The following SPHKAP variants were observed in gnomAD, a reference collection of about 807,000 sequenced individuals.
SPHKAP encodes the protein A-kinase anchor protein SPHKAP.
Under a neutral mutation model 137.5 loss-of-function variants are expected in SPHKAP, and 67 were observed. The observed-to-expected ratio is 0.49, with a 90% CI of 0.40 to 0.60. The LOEUF (loss-of-function observed/expected upper bound fraction) is 0.60, where lower values mean the gene tolerates loss of function less well. Among genes scored for constraint, SPHKAP ranks in the 20% least tolerant of loss-of-function variants. The probability of loss-of-function intolerance (pLI) is 0.00; values close to 1 mark genes in which losing one functional copy is unlikely to be tolerated. For synonymous variants in SPHKAP, 813 were observed against 785.3 expected, an observed-to-expected ratio of 1.04 and a Z score of -0.59; for missense variants, 2,097 against 2,069.3, an observed-to-expected ratio of 1.01 and a Z score of -0.26.
intron 3 of SPHKAP, among the ~76,000 whole-genome samples, chr2:228,056,257 A>G (rs572183928): frequency 6.6e-6 from 1 of 152,344 alleles, no homozygotes; most frequent in African/African-American, 2.4e-5. Flanking sequence ...GTCTGTCGCT[A>G]TGTGCCCAGC....
intron 1 of SPHKAP, among the ~76,000 whole-genome samples, chr2:228,154,502 C>CTA (rs1559203861): frequency 4.0e-4 from 11 of 27,400 alleles, no homozygotes; most frequent in African/African-American, 1.0e-3. Flanking sequence ...CTCTCTCTCT[C>CTA]TCTCTCTCTC....
chr2:228,164,752 A>G (rs1700372775), intron 1 of SPHKAP, among the ~76,000 whole-genome samples: 1 of 152,058 alleles, frequency 6.6e-6, no homozygotes, highest in African/African-American at 2.4e-5. Flanking sequence ...AGAGCTCTTT[A>G]AACGCTCAAT....
At chr2:228,070,002 C>A (rs184710120) in intron 3 of SPHKAP, among the ~76,000 whole-genome samples, 1 of 152,118 alleles carries the variant, frequency 6.6e-6, no homozygotes, top group Non-Finnish European at 1.5e-5. Flanking sequence ...GATGCCTATG[C>A]GCTAGCTGGA....
chr2:227,998,686 A>G (rs1693729076), intron 7 of SPHKAP, among the ~76,000 whole-genome samples: 1 of 152,086 alleles, frequency 6.6e-6, no homozygotes, highest in Non-Finnish European at 1.5e-5. Context: ...TAACATAGAG[A>G]TACAAAATCC....
In SPHKAP at chr2:228,017,616, C is replaced by T. The variant is rs1345319152; in HGVS notation, c.3238G>A (p.Ala1080Thr). The change falls in exon 7 of 12, where the codon GCC becomes ACC. Residue 1080 changes from alanine to threonine, a missense_variant. By Grantham distance (58) the Ala-to-Thr change is moderately conservative. Transcript: ENST00000392056. ...LSGDRWSRLK[A>T]SSCESIPEED... ...TCAGGAATGCTTTCGCAGCTGGAGG[C>T]CTTCAGCCGGCTCCACCTGTCGCCA... The T allele has an allele frequency of 1.9e-6, 3 of 1,613,936 alleles. No homozygotes were observed. The highest frequency in any genetic ancestry group is 1.3e-5 in the African/African-American group (1 of 75,038).
chr2:228,173,589 C>G lies in SPHKAP; in HGVS notation c.32+7978G>C, dbSNP rs115108711. Among the ~76,000 whole-genome samples, 1,030 of 152,142 alleles carry G rather than the reference C, an allele frequency of 6.8e-3. 16 individuals carry two copies. The highest frequency in any genetic ancestry group is 0.023 in the African/African-American group (961 of 41,488). ...AGCTTTGTAGATGGAGAAAGGTGGT[C>G]ATGAGGCAAGCAATGTAAGCAGCCT... On this transcript the variant is annotated intron_variant, in intron 1 of 11. Transcript: ENST00000392056.
intron 3 of SPHKAP, among the ~76,000 whole-genome samples, chr2:228,051,564 G>A (rs915348813): frequency 6.6e-6 from 1 of 152,094 alleles, no homozygotes; most frequent in Non-Finnish European, 1.5e-5. Flanking sequence ...ATCCAGAAAC[G>A]CCTGCCTAGC....
At chr2:228,094,530 C>T (rs193006616) in intron 3 of SPHKAP, among the ~76,000 whole-genome samples, 6 of 152,300 alleles carry the variant, frequency 3.9e-5, no homozygotes, top group African/African-American at 1.4e-4. Context: ...TTGGTCCTAT[C>T]ACTAGGATCT....
intron 3 of SPHKAP, among the ~76,000 whole-genome samples, chr2:228,067,319 A>T (rs560588683): frequency 1.5e-4 from 23 of 152,334 alleles, no homozygotes; most frequent in African/African-American, 3.1e-4. Context: ...GATCTATTTT[A>T]AAAAAATTAT....
intron 3 of SPHKAP, among the ~76,000 whole-genome samples, chr2:228,092,695 A>G (rs1471196913): frequency 6.7e-6 from 1 of 149,886 alleles, no homozygotes; most frequent in African/African-American, 2.5e-5. Context: ...ATACGTGTAT[A>G]TATATATGTA....
At chr2:228,150,088 G>A (rs1356509517) in intron 1 of SPHKAP, among the ~76,000 whole-genome samples, 4 of 152,134 alleles carry the variant, frequency 2.6e-5, no homozygotes, top group African/African-American at 9.7e-5. Flanking sequence ...TGGTTTTCTA[G>A]TGCTTTAATT....
chr2:228,181,605 T>A lies in SPHKAP; in HGVS notation c.-7A>T, dbSNP rs1210748040. On this transcript the variant is annotated 5_prime_UTR_variant, in exon 1 of 12. Transcript: ENST00000392056. This position sits in a 1 kb window ranked among gnomAD's most constrained non-coding sequence, Gnocchi z 4.3. ...GCAGGGAGTTGCCATCCATTGTTGGTGGGCGCCCAGAGAAGAAAGACGGAA... is the reference window on the plus strand; with the variant it reads ...GCAGGGAGTTGCCATCCATTGTTGGAGGGCGCCCAGAGAAGAAAGACGGAA... 1 of 1,614,006 alleles carries A rather than the reference T, an allele frequency of 6.2e-7. No individual in the cohort carries two copies. The highest frequency in any genetic ancestry group is 8.5e-7 in the Non-Finnish European group (1 of 1,179,982).
chr2:228,114,389 A>C (rs541135955), intron 2 of SPHKAP, among the ~76,000 whole-genome samples: 1 of 152,260 alleles, frequency 6.6e-6, no homozygotes, highest in South Asian at 2.1e-4. Context: ...GCAATGTCTT[A>C]ATATTTTTTA....
intron 1 of SPHKAP, among the ~76,000 whole-genome samples, chr2:228,168,378 A>G (rs902630626): frequency 2.0e-5 from 3 of 152,140 alleles, no homozygotes; most frequent in African/African-American, 7.2e-5. Flanking sequence ...CAGTAATCCT[A>G]TTGGCATCAT....
intron 1 of SPHKAP, among the ~76,000 whole-genome samples, chr2:228,152,574 T>C (rs1356885535): frequency 6.6e-6 from 1 of 152,152 alleles, no homozygotes; most frequent in Non-Finnish European, 1.5e-5. Context: ...CAGCATTTAG[T>C]TCATTTACTG....
In SPHKAP at chr2:228,021,850, C is replaced by T; in HGVS notation, c.558G>A (p.Gln186=). The T allele has an allele frequency of 6.2e-7, 1 of 1,614,124 alleles. No homozygotes were observed. Among genetic ancestry groups the T allele is most frequent in the South Asian group, 1.1e-5 (1 of 91,084 alleles). The change falls in exon 6 of 12, where the codon CAG becomes CAA. Residue 186 remains glutamine, a synonymous_variant. Coordinates refer to ENST00000392056, the MANE Select transcript of SPHKAP (RefSeq NM_001142644.2). ...NKFLIGLELV[Q]ERQLHLETNI... ...TTGTTTCCAGGTGGAGCTGTCGCTC[C>T]TGCACCAGTTCCAGACCAATCAGAA...
At position 227,988,490 on chromosome 2, in the gene SPHKAP, T is replaced by C. The variant is rs74544497; in HGVS notation, c.4959+2510A>G. Among the ~76,000 whole-genome samples the C allele has an allele frequency of 3.3e-3, 505 of 152,370 alleles. 1 individual carries two copies. The highest frequency in any genetic ancestry group is 0.012 in the African/African-American group (486 of 41,590). On this transcript the variant is annotated intron_variant, in intron 11 of 11. Coordinates refer to ENST00000392056, the MANE Select transcript of SPHKAP (RefSeq NM_001142644.2). ...AACAAATACCAAGTCAGGGCATGAT[T>C]TGTGTAACTCAGGTGTTTGTGAGAC... is the stretch of plus-strand genomic sequence containing the variant.
chr2:228,148,360 C>G (rs1352236141), intron 1 of SPHKAP, among the ~76,000 whole-genome samples: 1 of 152,172 alleles, frequency 6.6e-6, no homozygotes, highest in Non-Finnish European at 1.5e-5. Flanking sequence ...ATGTCTGCCA[C>G]CTGTCTAGTC....
At chr2:228,092,156 CATATATGTGTGTACACACACATGTGT>C (rs1697768037) in intron 3 of SPHKAP, among the ~76,000 whole-genome samples, 1 of 114,008 alleles carries the variant, frequency 8.8e-6, no homozygotes, top group African/African-American at 3.5e-5. Context: ...TATACATATA[CATATATGTGTGTACACACACATGTGT>C]GTACATGCAT....
Sources: allele counts gnomAD v4.1 joint callset (sites outside exome capture counted in the v4.1 genomes callset), GRCh38; gene constraint gnomAD v4.1.1; non-coding constraint Gnocchi (gnomAD v3.1); transcripts MANE v1.5; gene names NCBI Gene and HGNC (gene_info 2026-07-23, HGNC 2026-07-21).